Variants in PSME4 observed in about 807,000 individuals in gnomAD.
PSME4 encodes proteasome activator subunit 4.
PSME4 carries 89 observed loss-of-function variants against 253.9 expected under a neutral mutation model. That is an observed-to-expected ratio of 0.35 (90% CI 0.30 to 0.42). The LOEUF (loss-of-function observed/expected upper bound fraction) is 0.42. Ranked by LOEUF, PSME4 falls within the 10% of genes least tolerant of loss-of-function variation. The probability of loss-of-function intolerance (pLI) is 1.00; values close to 1 mark genes in which losing one functional copy is unlikely to be tolerated. For synonymous variants in PSME4, 851 were observed against 759.2 expected (o/e 1.12, Z -1.99); for missense variants, 2,014 against 2,195.2 (o/e 0.92, Z 1.65).
rs533873230 is a variant in PSME4, at chr2:53,943,503, C to T, written c.501-3503G>A. Among the ~76,000 whole-genome samples the T allele has an allele frequency of 2.0e-5, 3 of 152,240 alleles. No homozygotes were observed. The South Asian group carries it at 6.2e-4, about 32-fold the overall frequency. On this transcript the variant is annotated intron_variant, in intron 3 of 46. Coordinates refer to ENST00000404125, the MANE Select transcript of PSME4 (RefSeq NM_014614.3). ...ACTAGTAAGTAGTCATTTTTCATTGCCACTTCACTCAAAATTAGGGCCAAG... is the reference window on the plus strand; with the variant it reads ...ACTAGTAAGTAGTCATTTTTCATTGTCACTTCACTCAAAATTAGGGCCAAG...
intron 31 of PSME4, 145 bp downstream of exon 31, chr2:53,897,724 AT>A: frequency 5.5e-6 from 5 of 903,348 alleles, no homozygotes; most frequent in Non-Finnish European, 8.4e-6. Flanking sequence ...AATCATTATC[AT>A]CTCTGAATCA....
At chr2:53,957,495 C>T (rs1208278179) in intron 1 of PSME4, among the ~76,000 whole-genome samples, 3 of 152,244 alleles carry the variant, frequency 2.0e-5, no homozygotes, top group Admixed American at 6.5e-5. Flanking sequence ...ATGTGCAGTT[C>T]ACAACAGGGA....
intron 4 of PSME4, 124 bp downstream of exon 4, chr2:53,939,832 T>C: frequency 4.1e-6 from 3 of 738,384 alleles, no homozygotes; most frequent in Non-Finnish European, 6.4e-6. Flanking sequence ...TATGTTGTGC[T>C]CAGTGACTAA....
intron 14 of PSME4, among the ~76,000 whole-genome samples, chr2:53,925,213 T>C (rs1424731035): frequency 1.3e-5 from 2 of 152,108 alleles, no homozygotes; most frequent in African/African-American, 4.8e-5. Flanking sequence ...AAGGGGACAG[T>C]TGTTTAAGTG....
intron 28 of PSME4, 108 bp downstream of exon 28, chr2:53,901,242 C>T (rs933145885): frequency 2.9e-6 from 3 of 1,025,806 alleles, no homozygotes; most frequent in Non-Finnish European, 4.3e-6. Flanking sequence ...AAACACTGGA[C>T]TCAAATGCCA....
intron 1 of PSME4, among the ~76,000 whole-genome samples, chr2:53,951,955 T>C (rs1670019533): frequency 1.3e-5 from 2 of 152,210 alleles, no homozygotes; most frequent in Admixed American, 6.5e-5. Context: ...ATAAGCATAA[T>C]GATAGAGCCT....
At chr2:53,926,987 G>A (rs199763284) in intron 12 of PSME4, among the ~76,000 whole-genome samples, 3 of 150,192 alleles carry the variant, frequency 2.0e-5, no homozygotes, top group African/African-American at 4.9e-5. Flanking sequence ...AAAAAAGAAA[G>A]AAAGAAAGAA....
chr2:53,868,219 G>C, intron 44 of PSME4, among the ~76,000 whole-genome samples: 1 of 151,028 alleles, frequency 6.6e-6, no homozygotes, highest in Non-Finnish European at 1.5e-5. Context: ...TATTCTAGAA[G>C]GCCCAGGTGG....
chr2:53,881,509 G>A (rs917517590), intron 41 of PSME4: 1 of 152,210 alleles, frequency 6.6e-6, no homozygotes. Flanking sequence ...ACAGTTCTGT[G>A]AGGGACACTG....
rs536467204 is a variant in PSME4, at chr2:53,873,254, A to T, written c.5100+1085T>A. ...ACTCCGTCTCAAAAAAAAAGAAAAAAAAAAACAGTTGTTATAACCAGTCTG... is the reference window on the plus strand; with the variant it reads ...ACTCCGTCTCAAAAAAAAAGAAAAATAAAAACAGTTGTTATAACCAGTCTG... On this transcript the variant is annotated intron_variant, in intron 43 of 46. Coordinates refer to ENST00000404125, the MANE Select transcript of PSME4 (RefSeq NM_014614.3). Among the ~76,000 whole-genome samples, 21 of 152,082 alleles carry T rather than the reference A, an allele frequency of 1.4e-4. No individual in the cohort carries two copies. The East Asian group carries it at 3.7e-3, about 27-fold the overall frequency.
intron 1 of PSME4, among the ~76,000 whole-genome samples, chr2:53,950,348 T>A (rs1423889253): frequency 6.6e-6 from 1 of 152,106 alleles, no homozygotes; most frequent in African/African-American, 2.4e-5. Context: ...CATCAATATC[T>A]AATGACCAAT....
intron 37 of PSME4, among the ~76,000 whole-genome samples, 171 bp from the exon 38 acceptor site, chr2:53,888,983 G>A (rs922091425): frequency 3.9e-5 from 6 of 151,936 alleles, no homozygotes; most frequent in Non-Finnish European, 5.9e-5. Flanking sequence ...CACCCGCCTC[G>A]GTCTCTCAAG....
chr2:53,895,563 G>T lies in PSME4; in HGVS notation c.3842+20C>A. 2 of 1,595,842 alleles carry T rather than the reference G, an allele frequency of 1.3e-6. No individual in the cohort carries two copies. Among genetic ancestry groups the T allele is most frequent in the Non-Finnish European group, 1.7e-6 (2 of 1,172,882 alleles). ...TATATCAAAGGCATTTAATGATAAGGTGCACAGTAAGTTACTTACTTTGGC... is the reference window on the plus strand; with the variant it reads ...TATATCAAAGGCATTTAATGATAAGTTGCACAGTAAGTTACTTACTTTGGC... On this transcript the variant is annotated intron_variant, in intron 33 of 46. Coordinates refer to ENST00000404125, the MANE Select transcript of PSME4 (RefSeq NM_014614.3).
At chr2:53,893,535 G>C (rs890565847) in intron 35 of PSME4, 139 bp downstream of exon 35, 7 of 1,480,512 alleles carry the variant, frequency 4.7e-6, no homozygotes, top group Non-Finnish European at 6.3e-6. Context: ...ACAAAAGTCT[G>C]TACATGTTCA....
intron 20 of PSME4, among the ~76,000 whole-genome samples, chr2:53,915,542 T>C (rs805323): frequency 0.29 from 44,596 of 151,444 alleles, 6,971 homozygotes; most frequent in South Asian, 0.48. Context: ...CTGGGCAACA[T>C]AGTGAGACCT....
chr2:53,961,683 G>A (rs952154926), intron 1 of PSME4, among the ~76,000 whole-genome samples: 8 of 152,034 alleles, frequency 5.3e-5, no homozygotes, highest in African/African-American at 1.9e-4. Flanking sequence ...CTAAAAATAA[G>A]GGGGGGAAGG....
At position 53,913,971 on chromosome 2, in the gene PSME4, T is replaced by C. The variant is rs777003122; in HGVS notation, c.2517-3841A>G. 8.5e-5 allele frequency among the ~76,000 whole-genome samples: 13 copies of C among 152,292 alleles called. No homozygotes were observed. In the South Asian group the frequency reaches 1.0e-3, roughly 12 times the overall value. ...AGAGGTTAGCTAGCCCTGCCCCTCA[T>C]TGCATAAGCAACACATCCTTTCACA... On this transcript the variant is annotated intron_variant, in intron 20 of 46. Coordinates refer to ENST00000404125, the MANE Select transcript of PSME4 (RefSeq NM_014614.3).
chr2:53,877,247 CAAA>C (rs1204678801), intron 41 of PSME4, among the ~76,000 whole-genome samples: 4 of 50,402 alleles, frequency 7.9e-5, no homozygotes, highest in Non-Finnish European at 4.4e-5. Context: ...CCTGCCTCTA[CAAA>C]AAAAAAAAAA....
chr2:53,891,585 G>T (rs1260135958), intron 36 of PSME4, among the ~76,000 whole-genome samples: 1 of 151,796 alleles, frequency 6.6e-6, no homozygotes, highest in African/African-American at 2.4e-5. Context: ...TGAAGGCCAG[G>T]CACAGTAGCT....
Sources: gnomAD v4.1 joint callset for allele counts (sites outside exome capture counted in the v4.1 genomes callset) on GRCh38, gnomAD v4.1.1 for gene constraint, MANE v1.5 for transcripts, NCBI Gene and HGNC (gene_info 2026-07-23, HGNC 2026-07-21) for gene names.